The following ZNF875 variants were observed in gnomAD, a reference collection of about 807,000 sequenced individuals.
ZNF875 encodes the protein zinc finger protein 875, also known as HKR1, GLI-Kruppel zinc finger family member.
Under a neutral mutation model 11.2 loss-of-function variants are expected in ZNF875, and 14 were observed. The ratio of observed to expected loss-of-function variants is 1.26; its 90% CI spans 0.83 to 1.96. The LOEUF (loss-of-function observed/expected upper bound fraction) is 1.96, where lower values mean the gene tolerates loss of function less well. ZNF875 is among the 30% of genes most tolerant of loss of function. The pLI is 0.00. For synonymous variants in ZNF875, 301 were observed against 281.1 expected, an observed-to-expected ratio of 1.07 and a Z score of -0.71; for missense variants, 752 against 760.4, an observed-to-expected ratio of 0.99 and a Z score of 0.13.
chr19:37,343,647 T>C (rs1310598082), intron 2 of ZNF875, among the ~76,000 whole-genome samples: 1 of 152,120 alleles, frequency 6.6e-6, no homozygotes, highest in Non-Finnish European at 1.5e-5. Context: ...TCAAGGTTTC[T>C]TGCACAGCGA....
chr19:37,361,031 A>G (rs546885517), intron 4 of ZNF875, among the ~76,000 whole-genome samples: 75 of 151,762 alleles, frequency 4.9e-4, no homozygotes, highest in African/African-American at 1.8e-3. Flanking sequence ...TAATCTGTGA[A>G]CAAGAGATTT....
At chr19:37,339,793 G>A (rs1240934854) in intron 2 of ZNF875, among the ~76,000 whole-genome samples, 2 of 151,550 alleles carry the variant, frequency 1.3e-5, no homozygotes, top group Admixed American at 1.3e-4. Flanking sequence ...TCAAACTCCT[G>A]ACCTCAAGTG....
At chr19:37,349,905 T>G (rs1376962229) in intron 4 of ZNF875, among the ~76,000 whole-genome samples, 1 of 151,886 alleles carries the variant, frequency 6.6e-6, no homozygotes, top group Non-Finnish European at 1.5e-5. Context: ...TCCACCTGCC[T>G]TGGTCTCCCA....
chr19:37,317,333 C>G (rs2030299054), upstream of ZNF875, among the ~76,000 whole-genome samples: 1 of 151,832 alleles, frequency 6.6e-6, no homozygotes, highest in Non-Finnish European at 1.5e-5. Flanking sequence ...ACTACAGGCG[C>G]CCGCCACCAC....
chr19:37,357,874 C>T (rs2039180991), intron 4 of ZNF875: 1 of 398,024 alleles, frequency 2.5e-6, no homozygotes, highest in South Asian at 1.3e-4. Flanking sequence ...ATTTCTCTGT[C>T]TTGCATGATT....
In ZNF875 at chr19:37,346,120, T is replaced by G. The variant is rs570548733; in HGVS notation, c.34-1070T>G. Reference sequence around the variant, plus strand: ...ATAGAAATGAATATAATGTATTATCTTAGAGTTAAGGCAACACAATAAAGC... The same window carrying G: ...ATAGAAATGAATATAATGTATTATCGTAGAGTTAAGGCAACACAATAAAGC... On this transcript the variant is annotated intron_variant, in intron 2 of 4. Transcript: ENST00000392153. Among the ~76,000 whole-genome samples, 10 of 152,264 alleles carry G rather than the reference T, an allele frequency of 6.6e-5. No individual in the cohort carries two copies. The East Asian group carries it at 1.9e-3, about 29-fold the overall frequency.
At chr19:37,320,181 C>CT (rs2031124661) in intron 1 of ZNF875, among the ~76,000 whole-genome samples, 1 of 152,204 alleles carries the variant, frequency 6.6e-6, no homozygotes, top group African/African-American at 2.4e-5. Flanking sequence ...GGCCATAACT[C>CT]TGAGTTTATT....
At chr19:37,326,912 C>T (rs1325016064) in intron 4 of ZNF875, among the ~76,000 whole-genome samples, 6 of 152,014 alleles carry the variant, frequency 3.9e-5, no homozygotes, top group African/African-American at 1.4e-4. Context: ...AAGTGATCTG[C>T]CCGCCTCAGC....
At chr19:37,336,837 A>G (rs2034548294) in intron 2 of ZNF875, among the ~76,000 whole-genome samples, 1 of 151,866 alleles carries the variant, frequency 6.6e-6, no homozygotes, top group South Asian at 2.1e-4. Flanking sequence ...GAACCTGGGA[A>G]GCGGGGGTTG....
intron 1 of ZNF875, 122 bp downstream of exon 1, chr19:37,334,904 T>G: frequency 2.2e-6 from 1 of 448,410 alleles, no homozygotes; most frequent in East Asian, 5.7e-5. Flanking sequence ...CTCCAGGCCA[T>G]TTTCCTTTCA....
chr19:37,345,373 T>C (rs1374795561), intron 2 of ZNF875, among the ~76,000 whole-genome samples: 1 of 152,180 alleles, frequency 6.6e-6, no homozygotes, highest in Non-Finnish European at 1.5e-5. Context: ...GGCCATTTCA[T>C]AGTCCAGCCA....
intron 4 of ZNF875, among the ~76,000 whole-genome samples, chr19:37,355,198 T>G (rs752871898): frequency 4.9e-4 from 75 of 152,310 alleles, no homozygotes; most frequent in Middle Eastern, 3.4e-3. Flanking sequence ...TGTTTTTGTT[T>G]TTGTTTTTTG....
intron 1 of ZNF875, among the ~76,000 whole-genome samples, chr19:37,318,397 C>T (rs565232503): frequency 2.6e-5 from 4 of 152,174 alleles, no homozygotes; most frequent in Non-Finnish European, 5.9e-5. Flanking sequence ...ATTTAGTGGA[C>T]TGTCTCTGAT....
Position 37,364,033 on chromosome 19 carries a change from G to A in ZNF875, c.*258G>A. On this transcript the variant is annotated 3_prime_UTR_variant, in exon 5 of 5. Transcript: ENST00000392153. ...TGGTGGGTTGTGGAAACCCGGTCAG[G>A]TAATGATAGTGGCAGGAGGCAGTCA... The A allele has an allele frequency of 2.2e-6, 1 of 450,800 alleles. No homozygotes were observed. 27.9% of individuals were successfully genotyped at this position (450,800 alleles called of 1,614,324 possible). A position where few individuals can be genotyped will look rare whatever the true frequency, so the allele number is the denominator to read the frequency against.
chr19:37,322,525 G>A (rs2031676011), intron 2 of ZNF875, among the ~76,000 whole-genome samples: 1 of 152,202 alleles, frequency 6.6e-6, no homozygotes, highest in African/African-American at 2.4e-5. Context: ...CAGTCAATGA[G>A]CATTCAGTAT....
At chr19:37,324,725 T>A (rs1359881651) in intron 4 of ZNF875, 1 of 153,508 alleles carries the variant, frequency 6.5e-6, no homozygotes, top group Non-Finnish European at 1.5e-5. Flanking sequence ...AGAATTTTCT[T>A]TAATGTTCAT....
chr19:37,317,037 C>A (rs915844870), upstream of ZNF875: 7 of 150,740 alleles, frequency 4.6e-5, no homozygotes, highest in Non-Finnish European at 8.8e-5. Flanking sequence ...GGGAGTGGCG[C>A]GATCTCGGCT....
intron 4 of ZNF875, among the ~76,000 whole-genome samples, chr19:37,350,685 A>G (rs1005347888): frequency 6.6e-6 from 1 of 151,962 alleles, no homozygotes; most frequent in Admixed American, 6.6e-5. Flanking sequence ...CATCACCACA[A>G]TAAAGATGTA....
chr19:37,357,527 C>T (rs1328295067), intron 4 of ZNF875, among the ~76,000 whole-genome samples: 1 of 152,142 alleles, frequency 6.6e-6, no homozygotes, highest in Non-Finnish European at 1.5e-5. Context: ...TTGTAGTTCT[C>T]CTCGCAGAGA....
Sources: allele counts gnomAD v4.1 joint callset (sites outside exome capture counted in the v4.1 genomes callset), GRCh38; gene constraint gnomAD v4.1.1; transcripts MANE v1.5; gene names NCBI Gene and HGNC (gene_info 2026-07-23, HGNC 2026-07-21).